Variants in TENM4 observed in about 807,000 individuals in gnomAD.
The protein encoded by TENM4 is teneurin transmembrane protein 4, also known as teneurin-4.
A neutral mutation model predicts 243.3 loss-of-function variants in TENM4; 82 were observed. The ratio of observed to expected loss-of-function variants is 0.34; its 90% CI spans 0.28 to 0.40. The LOEUF is 0.40. Ranked by LOEUF, TENM4 falls within the 10% of genes least tolerant of loss-of-function variation. TENM4 has a pLI of 1.00. For synonymous variants in TENM4, 1,412 were observed against 1,456.3 expected, an observed-to-expected ratio of 0.97 and a Z score of 0.69; for missense variants, 3,138 against 3,673.3, an observed-to-expected ratio of 0.85 and a Z score of 3.77.
intron 6 of TENM4, among the ~76,000 whole-genome samples, chr11:78,956,991 C>T (rs952181042): frequency 6.6e-6 from 1 of 152,022 alleles, no homozygotes; most frequent in African/African-American, 2.4e-5. Context: ...AATTAAATAC[C>T]AATTTTAAAG....
chr11:79,221,571 CT>C (rs1339876829), intron 2 of TENM4, among the ~76,000 whole-genome samples: 3 of 152,012 alleles, frequency 2.0e-5, no homozygotes, highest in Non-Finnish European at 4.4e-5. Flanking sequence ...CTGGAATGCC[CT>C]GTTCTAGACA....
chr11:79,299,903 T>C (rs950103570), intron 1 of TENM4, among the ~76,000 whole-genome samples: 3 of 152,230 alleles, frequency 2.0e-5, no homozygotes, highest in Non-Finnish European at 4.4e-5. Flanking sequence ...GAATGTCCCA[T>C]AGAACTGGGT....
In TENM4 at chr11:78,660,562, G is replaced by A. The variant is rs74345329; in HGVS notation, c.7551+887C>T. On this transcript the variant is annotated intron_variant, in intron 33 of 33. Coordinates refer to ENST00000278550, the MANE Select transcript of TENM4 (RefSeq NM_001098816.3). ...TGAGGCCTAAAGGAATCAATCTGGA[G>A]TAAGAAATATGGATATGAAAGTTTC... is the stretch of plus-strand genomic sequence containing the variant. Among the ~76,000 whole-genome samples the A allele has an allele frequency of 8.1e-3, 1,226 of 152,278 alleles. 13 individuals carry two copies. The highest frequency in any genetic ancestry group is 0.028 in the African/African-American group (1,174 of 41,528).
At chr11:78,857,742 C>A (rs1858713115) in intron 10 of TENM4, among the ~76,000 whole-genome samples, 1 of 152,166 alleles carries the variant, frequency 6.6e-6, no homozygotes, top group Non-Finnish European at 1.5e-5. Flanking sequence ...GATACAAAAA[C>A]CACCACGCTG....
intron 3 of TENM4, among the ~76,000 whole-genome samples, chr11:79,204,438 C>T (rs1375382278): frequency 6.6e-6 from 1 of 152,176 alleles, no homozygotes; most frequent in East Asian, 1.9e-4. Flanking sequence ...GGGCACCTAT[C>T]TCTGGGAGCT....
intron 2 of TENM4, among the ~76,000 whole-genome samples, chr11:79,238,498 C>T (rs1002161193): frequency 1.3e-5 from 2 of 152,092 alleles, no homozygotes; most frequent in Admixed American, 6.5e-5. Flanking sequence ...TCCTGGTTCT[C>T]GAGCCTTTTG....
intron 26 of TENM4, among the ~76,000 whole-genome samples, chr11:78,711,763 A>C (rs919917838): frequency 6.6e-6 from 1 of 152,202 alleles, no homozygotes; most frequent in Non-Finnish European, 1.5e-5. Context: ...TCTCCAAGGC[A>C]CAGGGGTCTC....
chr11:78,691,720 T>C (rs1311040205), intron 28 of TENM4, among the ~76,000 whole-genome samples: 2 of 152,246 alleles, frequency 1.3e-5, no homozygotes, highest in African/African-American at 4.8e-5. Context: ...TTTCATTTTA[T>C]ATGAGAGGGT....
At chr11:78,899,338 G>A (rs1024117808) in intron 7 of TENM4, among the ~76,000 whole-genome samples, 4 of 152,046 alleles carry the variant, frequency 2.6e-5, no homozygotes, top group African/African-American at 9.7e-5. Context: ...CACACCTGTA[G>A]AACCAGCACT....
intron 19 of TENM4, among the ~76,000 whole-genome samples, chr11:78,739,694 C>T (rs531467250): frequency 2.0e-5 from 3 of 152,138 alleles, no homozygotes; most frequent in African/African-American, 7.2e-5. Flanking sequence ...AAGTGGAAAA[C>T]GAATGAAAAG....
chr11:78,660,123 G>A (rs1857993754), intron 33 of TENM4, among the ~76,000 whole-genome samples: 1 of 152,196 alleles, frequency 6.6e-6, no homozygotes, highest in African/African-American at 2.4e-5. Context: ...GAGCTGTGCT[G>A]CAGTGCTCAG....
chr11:79,007,889 C>G (rs796848538), intron 6 of TENM4, among the ~76,000 whole-genome samples: 31 of 152,286 alleles, frequency 2.0e-4, no homozygotes, highest in African/African-American at 7.5e-4. Flanking sequence ...ACCAGTTCTG[C>G]CCTGGATCCC....
Position 78,805,277 on chromosome 11 carries a change from T to TGGCCCCC in TENM4, c.2179+14_2179+15insGGGGGCC. The TGGCCCCC allele has an allele frequency of 7.1e-7, 1 of 1,402,546 alleles. No individual in the cohort carries two copies. Among genetic ancestry groups the TGGCCCCC allele is most frequent in the East Asian group, 3.1e-5 (1 of 32,218 alleles). The allele number at this position is 1,402,546 out of a possible 1,614,324, so 86.9% of individuals were successfully genotyped here. ...CCCCTCCCTCTACCCATGCTTCTTC[T>TGGCCCCC]CCCCCTGCATTTACCGATAGAACAG... On this transcript the variant is annotated intron_variant, in intron 15 of 33. Transcript: ENST00000278550.
At position 78,657,951 on chromosome 11, in the gene TENM4, T is replaced by G; in HGVS notation, c.*107A>C. ...GAGTTACAATGCAACCAGTATCTTT[T>G]TGTTTCTGCACTTGTTAAAAAATCA... is the stretch of plus-strand genomic sequence containing the variant. On this transcript the variant is annotated 3_prime_UTR_variant, in exon 34 of 34. Coordinates refer to ENST00000278550, the MANE Select transcript of TENM4 (RefSeq NM_001098816.3). 6.5e-7 allele frequency: 1 copy of G among 1,538,076 alleles called. No individual in the cohort carries two copies. Among genetic ancestry groups the G allele is most frequent in the Non-Finnish European group, 9.0e-7 (1 of 1,115,394 alleles).
At chr11:79,257,770 C>T (rs991645445) in intron 2 of TENM4, among the ~76,000 whole-genome samples, 3 of 152,182 alleles carry the variant, frequency 2.0e-5, no homozygotes, top group African/African-American at 7.2e-5. Context: ...CACCACATTG[C>T]TGCTCAGAAG....
chr11:79,359,874 C>T (rs574807273), intron 1 of TENM4, among the ~76,000 whole-genome samples: 19 of 152,144 alleles, frequency 1.2e-4, no homozygotes, highest in African/African-American at 1.7e-4. Context: ...GCTCAGGACC[C>T]GAAGCAGAGG....
chr11:78,773,021 C>A (rs944998874), intron 17 of TENM4, among the ~76,000 whole-genome samples: 8 of 152,350 alleles, frequency 5.3e-5, no homozygotes, highest in Middle Eastern at 3.4e-3. Flanking sequence ...GACTTGGTTG[C>A]CAACATCAGC....
intron 1 of TENM4, among the ~76,000 whole-genome samples, chr11:79,396,092 T>C (rs538804): frequency 0.67 from 101,878 of 152,092 alleles, 34,156 homozygotes; most frequent in African/African-American, 0.71. Flanking sequence ...CTGCCTATGT[T>C]CTTCCCATCC....
At chr11:79,022,486 G>A (rs1210831353) in intron 6 of TENM4, among the ~76,000 whole-genome samples, 1 of 152,120 alleles carries the variant, frequency 6.6e-6, no homozygotes, top group Non-Finnish European at 1.5e-5. Context: ...CAGGACCAGG[G>A]GAGAGCAGTC....
Sources: gnomAD v4.1 joint callset for allele counts (sites outside exome capture counted in the v4.1 genomes callset) on GRCh38, gnomAD v4.1.1 for gene constraint, MANE v1.5 for transcripts, NCBI Gene and HGNC (gene_info 2026-07-23, HGNC 2026-07-21) for gene names.